TET1: variants seen among roughly 807,000 people sequenced by gnomAD.
TET1 encodes tet methylcytosine dioxygenase 1.
In TET1, 13 loss-of-function variants were observed where a neutral mutation model predicts 148.7. That is an observed-to-expected ratio of 0.09 (90% confidence interval 0.06 to 0.14). The LOEUF is 0.14. Among genes scored for constraint, TET1 ranks in the 10% least tolerant of loss-of-function variants. The pLI is 1.00. For missense variants in TET1, 2,182 were observed against 2,553.8 expected (o/e 0.85, Z 3.14); for synonymous variants, 907 against 937.2 (o/e 0.97, Z 0.59).
At chr10:68,613,594 G>GA (rs974644885) in intron 3 of TET1, among the ~76,000 whole-genome samples, 6 of 151,028 alleles carry the variant, frequency 4.0e-5, no homozygotes, top group African/African-American at 7.3e-5. Context: ...AAACAACATG[G>GA]AAAAAAAAAG....
chr10:68,592,379 C>G (rs905960701), intron 2 of TET1, among the ~76,000 whole-genome samples: 8 of 152,110 alleles, frequency 5.3e-5, no homozygotes, highest in African/African-American at 1.9e-4. Flanking sequence ...AAACCAATCA[C>G]CTCTCTTTAG....
At chr10:68,664,958 G>C (rs2055176787) in intron 6 of TET1, among the ~76,000 whole-genome samples, 1 of 151,812 alleles carries the variant, frequency 6.6e-6, no homozygotes, top group South Asian at 2.1e-4. Flanking sequence ...TTTTTGTGGA[G>C]ACTGAGTCTC....
At chr10:68,590,280 TG>T (rs1374241361) in intron 2 of TET1, among the ~76,000 whole-genome samples, 5 of 151,810 alleles carry the variant, frequency 3.3e-5, no homozygotes, top group Admixed American at 2.6e-4. Flanking sequence ...GCCCGGCTAG[TG>T]TTTTTGTTTG....
intron 2 of TET1, among the ~76,000 whole-genome samples, chr10:68,595,900 CCACTGCG>C (rs1387971654): frequency 8.7e-6 from 1 of 114,354 alleles, no homozygotes; most frequent in African/African-American, 3.2e-5. Flanking sequence ...TAGGTGTGAG[CCACTGCG>C]CCCAGCCAAA....
intron 2 of TET1, among the ~76,000 whole-genome samples, chr10:68,593,953 T>C (rs2053949881): frequency 1.1e-5 from 1 of 92,418 alleles, no homozygotes; most frequent in East Asian, 3.8e-4. Context: ...TGAGACAGAG[T>C]CTCTCTCTGT....
chr10:68,615,393 T>G (rs2054276664), intron 3 of TET1, among the ~76,000 whole-genome samples: 1 of 151,566 alleles, frequency 6.6e-6, no homozygotes, highest in East Asian at 1.9e-4. Flanking sequence ...TTGCCCAGGC[T>G]GGAGTGCAGT....
At chr10:68,674,518 A>C in intron 8 of TET1, 1 of 493,698 alleles carries the variant, frequency 2.0e-6, no homozygotes, top group South Asian at 1.9e-5. Context: ...CGTGTATTTG[A>C]AGTGAGTCTT....
At chr10:68,608,579 G>GGCAGGA (rs1311047961) in intron 3 of TET1, among the ~76,000 whole-genome samples, 1 of 152,108 alleles carries the variant, frequency 6.6e-6, no homozygotes, top group Admixed American at 6.6e-5. Context: ...TTGTCACCCA[G>GGCAGGA]GCAGGAGTGC....
intron 6 of TET1, among the ~76,000 whole-genome samples, chr10:68,655,810 G>C (rs907110350): frequency 6.6e-5 from 10 of 152,108 alleles, no homozygotes; most frequent in Admixed American, 1.3e-4. Flanking sequence ...ACTAACCCAG[G>C]GGACTCCAAC....
intron 3 of TET1, among the ~76,000 whole-genome samples, chr10:68,630,190 G>T (rs2054549188): frequency 6.6e-6 from 1 of 152,216 alleles, no homozygotes; most frequent in Non-Finnish European, 1.5e-5. Context: ...CTTGGTGGCT[G>T]AATTTGGGTC....
At chr10:68,626,666 T>G (rs2054487289) in intron 3 of TET1, among the ~76,000 whole-genome samples, 1 of 151,996 alleles carries the variant, frequency 6.6e-6, no homozygotes, top group Non-Finnish European at 1.5e-5. Flanking sequence ...TTCTCCTGCC[T>G]CAGCCTCTCG....
chr10:68,660,814 CCAA>C (rs2055097538), intron 6 of TET1, among the ~76,000 whole-genome samples: 1 of 151,078 alleles, frequency 6.6e-6, no homozygotes, highest in African/African-American at 2.4e-5. Context: ...GTGCCCACCA[CCAA>C]GCTCGACTAA....
At chr10:68,605,004 G>A (rs1467994510) in intron 3 of TET1, among the ~76,000 whole-genome samples, 1 of 152,196 alleles carries the variant, frequency 6.6e-6, no homozygotes, top group Non-Finnish European at 1.5e-5. Flanking sequence ...TATCATCAGA[G>A]TAGTATTTGG....
chr10:68,670,421 A>AAT (rs2055257559), intron 7 of TET1, among the ~76,000 whole-genome samples: 1 of 152,206 alleles, frequency 6.6e-6, no homozygotes, highest in Admixed American at 6.5e-5. Flanking sequence ...CAGGCTATGA[A>AAT]ATACAACCTA....
chr10:68,563,657 G>A (rs957146399), intron 1 of TET1, among the ~76,000 whole-genome samples: 4 of 152,208 alleles, frequency 2.6e-5, no homozygotes, highest in Admixed American at 2.6e-4. Context: ...AGAGGATCTT[G>A]CTGACATGTT....
At chr10:68,659,610 C>A (rs1171954786) in intron 6 of TET1, among the ~76,000 whole-genome samples, 1 of 152,150 alleles carries the variant, frequency 6.6e-6, no homozygotes, top group African/African-American at 2.4e-5. Context: ...TGAGCCACCG[C>A]GCCCGGCCAA....
At position 68,690,977 on chromosome 10, in the gene TET1, A is replaced by G; in HGVS notation, c.5574A>G (p.Thr1858=). 8 of 1,614,204 alleles carry G rather than the reference A, an allele frequency of 5.0e-6. No homozygotes were observed. The highest frequency in any genetic ancestry group is 5.9e-6 in the Non-Finnish European group (7 of 1,180,020). ...GGTCCCCGAAGACTGCTTCAGCCAC[A>G]CCAGCTCCACTGAAGAATGACGCAA... ...FSWSPKTASA[T]PAPLKNDATA... The change falls in exon 12 of 12, where the codon ACA becomes ACG. Residue 1858 remains threonine (T), a synonymous_variant. Coordinates refer to ENST00000373644, the MANE Select transcript of TET1 (RefSeq NM_030625.3).
intron 2 of TET1, among the ~76,000 whole-genome samples, chr10:68,582,399 G>A (rs1300581090): frequency 1.3e-5 from 2 of 152,088 alleles, no homozygotes; most frequent in Non-Finnish European, 2.9e-5. Flanking sequence ...CCTGGCCTTA[G>A]ATGACACTAT....
chr10:68,610,252 C>T (rs1483684246), intron 3 of TET1, among the ~76,000 whole-genome samples: 3 of 151,954 alleles, frequency 2.0e-5, no homozygotes, highest in Non-Finnish European at 4.4e-5. Flanking sequence ...CACTGCACTC[C>T]AGCCTGGGTG....
Sources: allele counts gnomAD v4.1 joint callset (sites outside exome capture counted in the v4.1 genomes callset), GRCh38; gene constraint gnomAD v4.1.1; transcripts MANE v1.5; gene names NCBI Gene and HGNC (gene_info 2026-07-23, HGNC 2026-07-21).